Variants in ATP8A2 observed in about 807,000 individuals in gnomAD.
The protein encoded by ATP8A2 is ATPase phospholipid transporting 8A2.
A neutral mutation model predicts 165.6 loss-of-function variants in ATP8A2; 100 were observed. The observed-to-expected ratio is 0.60, with a 90% CI of 0.51 to 0.71. The LOEUF (loss-of-function observed/expected upper bound fraction) is 0.71. Among genes scored for constraint, ATP8A2 ranks in the 30% least tolerant of loss-of-function variants. ATP8A2 has a pLI of 0.00. For missense variants in ATP8A2, 1,227 were observed against 1,479.5 expected, an observed-to-expected ratio of 0.83 and a Z score of 2.80; for synonymous variants, 543 against 548.8, an observed-to-expected ratio of 0.99 and a Z score of 0.15.
In ATP8A2 at chr13:25,386,954, G is replaced by A. The variant is rs553601568; in HGVS notation, c.76+14666G>A. 7.3e-5 allele frequency among the ~76,000 whole-genome samples: 9 copies of A among 123,782 alleles called. No individual in the cohort carries two copies. In the South Asian group the frequency reaches 7.6e-4, roughly 10 times the overall value. The allele number at this position is 123,782 out of a possible 152,430, so 81.2% of individuals were successfully genotyped here. On this transcript the variant is annotated intron_variant, in intron 1 of 36. Coordinates refer to ENST00000381655, the MANE Select transcript of ATP8A2 (RefSeq NM_016529.6). ...GGAGCTTGCAGTGAGCCGAGATCGC[G>A]CCCTTGCACTCCAGCCTGGGCGTCA...
At chr13:25,448,931 C>A (rs2035139971) in intron 1 of ATP8A2, among the ~76,000 whole-genome samples, 1 of 152,182 alleles carries the variant, frequency 6.6e-6, no homozygotes, top group Non-Finnish European at 1.5e-5. Flanking sequence ...TCCCAAAGTG[C>A]TGGGATTACA....
intron 1 of ATP8A2, among the ~76,000 whole-genome samples, chr13:25,449,409 C>T (rs1299054243): frequency 6.6e-6 from 1 of 152,148 alleles, no homozygotes; most frequent in African/African-American, 2.4e-5. Flanking sequence ...GAGCTTTCTA[C>T]TATTGATTTG....
At chr13:25,625,574 G>A (rs563315134) in intron 24 of ATP8A2, among the ~76,000 whole-genome samples, 1 of 152,340 alleles carries the variant, frequency 6.6e-6, no homozygotes, top group South Asian at 2.1e-4. Context: ...TGGGGAGGCA[G>A]GGGCAGAGGG....
intron 35 of ATP8A2, among the ~76,000 whole-genome samples, chr13:25,988,264 C>A (rs892004116): frequency 6.6e-6 from 1 of 152,226 alleles, no homozygotes; most frequent in Non-Finnish European, 1.5e-5. Flanking sequence ...ATGGCATCTT[C>A]GCTGTGAGTG....
At chr13:25,442,989 C>T (rs765880711) in intron 1 of ATP8A2, among the ~76,000 whole-genome samples, 8 of 152,100 alleles carry the variant, frequency 5.3e-5, no homozygotes, top group Admixed American at 2.6e-4. Flanking sequence ...TCTCTCATTC[C>T]GTGGTTGCCT....
chr13:25,728,024 C>T (rs1049635831), intron 25 of ATP8A2, among the ~76,000 whole-genome samples: 1 of 152,126 alleles, frequency 6.6e-6, no homozygotes, highest in Non-Finnish European at 1.5e-5. Context: ...CTCAAGGGGG[C>T]GTTGAGGATC....
intron 1 of ATP8A2, among the ~76,000 whole-genome samples, chr13:25,427,452 T>C (rs951410836): frequency 6.6e-6 from 1 of 152,154 alleles, no homozygotes; most frequent in African/African-American, 2.4e-5. Context: ...ATAACTGTAA[T>C]GTGCTTGAAT....
In ATP8A2 at chr13:25,390,100, T is replaced by G. The variant is rs73472436; in HGVS notation, c.76+17812T>G. Among the ~76,000 whole-genome samples the G allele has an allele frequency of 2.0e-3, 302 of 152,298 alleles. 1 individual carries two copies. Among genetic ancestry groups the G allele is most frequent in the African/African-American group, 6.9e-3 (286 of 41,576 alleles). ...ACTTCCACTTCCCAGGTTCAAACGA[T>G]TCTCCTACCTCAGCCTCTGAGTAGC... On this transcript the variant is annotated intron_variant, in intron 1 of 36. Coordinates refer to ENST00000381655, the MANE Select transcript of ATP8A2 (RefSeq NM_016529.6).
intron 36 of ATP8A2, 133 bp downstream of exon 36, chr13:26,012,755 T>C: frequency 1.8e-6 from 1 of 568,690 alleles, no homozygotes; most frequent in Non-Finnish European, 2.9e-6. Context: ...GGGCGTGCGT[T>C]TGGAAGTGGA....
chr13:25,596,053 A>T (rs990741498), intron 24 of ATP8A2, among the ~76,000 whole-genome samples: 1 of 152,228 alleles, frequency 6.6e-6, no homozygotes, highest in Non-Finnish European at 1.5e-5. Context: ...TCGGGCTGCT[A>T]TGAGAGAAGA....
At chr13:25,399,924 C>T (rs1458156718) in intron 1 of ATP8A2, among the ~76,000 whole-genome samples, 7 of 24,570 alleles carry the variant, frequency 2.8e-4, no homozygotes, top group South Asian at 2.0e-3. Context: ...TTTTCTTCTT[C>T]CTTTTCTCCT....
intron 30 of ATP8A2, among the ~76,000 whole-genome samples, chr13:25,850,566 T>C (rs760663138): frequency 6.6e-5 from 10 of 151,886 alleles, no homozygotes; most frequent in Non-Finnish European, 1.3e-4. Flanking sequence ...ATAAATACTG[T>C]TCCAAAGGCT....
intron 35 of ATP8A2, among the ~76,000 whole-genome samples, chr13:25,987,414 GGGAAGGTTTAGCA>G (rs1276731301): frequency 5.3e-5 from 8 of 152,240 alleles, no homozygotes; most frequent in African/African-American, 1.9e-4. Flanking sequence ...CAGAAATACT[GGGAAGGTTTAGCA>G]GCTGTTCCAC....
chr13:25,440,170 C>T (rs1266677500), intron 1 of ATP8A2, among the ~76,000 whole-genome samples: 3 of 152,008 alleles, frequency 2.0e-5, no homozygotes, highest in Admixed American at 6.6e-5. Flanking sequence ...GCCTGGCTCT[C>T]GGAGGTGGTT....
intron 26 of ATP8A2, among the ~76,000 whole-genome samples, chr13:25,773,692 G>A (rs993244506): frequency 6.6e-6 from 1 of 152,132 alleles, no homozygotes; most frequent in African/African-American, 2.4e-5. Context: ...GAGGCAAAGT[G>A]TGTGTGTGTC....
chr13:25,435,561 T>C (rs1377754307), intron 1 of ATP8A2, among the ~76,000 whole-genome samples: 1 of 152,210 alleles, frequency 6.6e-6, no homozygotes, highest in African/African-American at 2.4e-5. Context: ...AAGCGCAAGG[T>C]AGTACTTCTC....
chr13:25,809,839 C>T (rs1313655928), intron 27 of ATP8A2, among the ~76,000 whole-genome samples: 1 of 152,038 alleles, frequency 6.6e-6, no homozygotes, highest in East Asian at 1.9e-4. Flanking sequence ...GTTGGTGCTC[C>T]ATAAATATGT....
At chr13:25,422,075 C>T (rs2034316575) in intron 1 of ATP8A2, among the ~76,000 whole-genome samples, 1 of 152,090 alleles carries the variant, frequency 6.6e-6, no homozygotes, top group East Asian at 1.9e-4. Flanking sequence ...GGGCTCAAAC[C>T]CTGAGCTCTG....
chr13:25,624,728 A>G (rs992091116), intron 24 of ATP8A2, among the ~76,000 whole-genome samples: 2 of 152,210 alleles, frequency 1.3e-5, no homozygotes, highest in African/African-American at 4.8e-5. Flanking sequence ...ACACTTGCAC[A>G]GGGGTGGTCT....
Sources: allele counts gnomAD v4.1 joint callset (sites outside exome capture counted in the v4.1 genomes callset), GRCh38; gene constraint gnomAD v4.1.1; transcripts MANE v1.5; gene names NCBI Gene and HGNC (gene_info 2026-07-23, HGNC 2026-07-21).